Variants in JAG1 observed in about 807,000 individuals in gnomAD.
JAG1 encodes the protein jagged canonical Notch ligand 1, also known as protein jagged-1.
A neutral mutation model predicts 148.7 loss-of-function variants in JAG1; 23 were observed. The observed-to-expected ratio is 0.15, with a 90% CI of 0.11 to 0.22. JAG1 has a LOEUF of 0.22. JAG1 is among the 10% of genes least tolerant of loss of function. The probability of loss-of-function intolerance (pLI) is 1.00; values close to 1 mark genes in which losing one functional copy is unlikely to be tolerated. For synonymous variants in JAG1, 572 were observed against 598.3 expected, an observed-to-expected ratio of 0.96 and a Z score of 0.64; for missense variants, 1,054 against 1,611.2, an observed-to-expected ratio of 0.65 and a Z score of 5.92.
intron 6 of JAG1, 32 bp downstream of exon 6, chr20:10,652,436 C>T (rs1444447600): frequency 5.0e-6 from 8 of 1,602,966 alleles, no homozygotes; most frequent in Middle Eastern, 1.8e-4. Flanking sequence ...ACCCCCAGAT[C>T]CCACCCTGGG....
Position 10,639,946 on chromosome 20 carries a change from A to G in JAG1, c.3209T>C (p.Val1070Ala), listed in dbSNP as rs374654050. The part of the protein sequence containing the change: ...RPLKNRTDFL[V>A]PLLSSVLTVA... ...AGTTAAGACAGAGCTCAGCAAGGGA[A>G]CAAGGAAATCTGTAAGGCAGGCACA... The change falls in exon 26 of 26, where the codon GTT becomes GCT. Residue 1070 changes from valine to alanine, a missense_variant. Around this residue, in one of 6 missense-constraint regions of JAG1, gnomAD observed 342 missense variants for 514.6 expected, o/e 0.66. Coordinates refer to ENST00000254958, the MANE Select transcript of JAG1 (RefSeq NM_000214.3). 1.9e-6 allele frequency: 3 copies of G among 1,613,766 alleles called. No individual in the cohort carries two copies. The highest frequency in any genetic ancestry group is 1.3e-5 in the African/African-American group (1 of 74,934).
At chr20:10,669,471 T>C (rs1484014003) in intron 2 of JAG1, among the ~76,000 whole-genome samples, 1 of 139,950 alleles carries the variant, frequency 7.1e-6, no homozygotes, top group African/African-American at 2.7e-5. Flanking sequence ...TGGCAATTGG[T>C]CATTCAGGCC....
chr20:10,649,809 G>T, intron 9 of JAG1, 174 bp from the exon 10 acceptor site: 1 of 641,000 alleles, frequency 1.6e-6, no homozygotes, highest in Non-Finnish European at 2.8e-6. Flanking sequence ...CCTCTCCCTA[G>T]CTATTATCCA....
intron 9 of JAG1, 64 bp downstream of exon 9, chr20:10,650,183 G>A: frequency 9.8e-7 from 1 of 1,015,860 alleles, no homozygotes. Context: ...CTCGTCTTCT[G>A]TAATGGCTTT....
At position 10,673,166 on chromosome 20, in the gene JAG1, CAAAAA is replaced by C; in HGVS notation, c.82-165_82-161del. The C allele has an allele frequency of 1.5e-5, 9 of 590,652 alleles. No homozygotes were observed. Among genetic ancestry groups the C allele is most frequent in the East Asian group, 2.9e-5 (1 of 34,546 alleles). 36.6% of individuals were successfully genotyped at this position (590,652 alleles called of 1,614,324 possible). A position where few individuals can be genotyped will look rare whatever the true frequency, so the allele number is the denominator to read the frequency against. On this transcript the variant is annotated intron_variant, in intron 1 of 25. Coordinates refer to ENST00000254958, the MANE Select transcript of JAG1 (RefSeq NM_000214.3). The surrounding 1 kb of genome is among the most constrained non-coding windows in gnomAD (Gnocchi z 4.7). ...TCAAGGACTCAACATGATTCCGGGGCAAAAAAAAAAAAAAATGCACGAGTGCGGAA... is the reference window on the plus strand; with the variant it reads ...TCAAGGACTCAACATGATTCCGGGGCAAAAAAAAAATGCACGAGTGCGGAA...
intron 2 of JAG1, 80 bp from the exon 3 acceptor site, chr20:10,664,094 A>ATG: frequency 9.2e-7 from 1 of 1,089,028 alleles, no homozygotes; most frequent in Non-Finnish European, 1.4e-6. Context: ...GCCTCCCAGA[A>ATG]TACCCCACCA....
In JAG1 at chr20:10,650,322, C is replaced by T. The variant is rs750859508; in HGVS notation, c.1159G>A (p.Gly387Ser). ...DCSPNNCSHG[G>S]TCQDLVNGFK... Reference sequence around the variant, plus strand: ...CCGTTAACCAGGTCCTGGCAGGTGCCCCCGTGGGAACAGTTATTAGGAGAA... The same window carrying T: ...CCGTTAACCAGGTCCTGGCAGGTGCTCCCGTGGGAACAGTTATTAGGAGAA... The change falls in exon 9 of 26, where the codon GGC (glycine) becomes AGC (serine). Residue 387 changes from glycine (G) to serine (S), a missense_variant. By Grantham distance (56) the Gly-to-Ser change is moderately conservative (BLOSUM62 0). Transcript: ENST00000254958. 1.2e-6 allele frequency: 2 copies of T among 1,613,854 alleles called. No individual in the cohort carries two copies. The highest frequency in any genetic ancestry group is 1.7e-6 in the Non-Finnish European group (2 of 1,179,776).
intron 5 of JAG1, among the ~76,000 whole-genome samples, chr20:10,655,911 G>GC (rs950276109): frequency 6.6e-6 from 1 of 152,190 alleles, no homozygotes; most frequent in African/African-American, 2.4e-5. Context: ...TTCCAGGGCA[G>GC]CCATTAACCT....
intron 20 of JAG1, 141 bp downstream of exon 20, chr20:10,643,637 A>C: frequency 1.3e-6 from 1 of 742,426 alleles, no homozygotes; most frequent in Middle Eastern, 2.3e-4. Context: ...TCTTAATCCC[A>C]GCTGGAGGAG....
At chr20:10,663,860 C>A in intron 3 of JAG1, 103 bp downstream of exon 3, 1 of 888,230 alleles carries the variant, frequency 1.1e-6, no homozygotes. Flanking sequence ...CAAGAGGTGG[C>A]AGAAATGCTA....
rs768642155 is a variant in JAG1, at chr20:10,639,770, G to C, written c.3385C>G (p.His1129Asp). 2 of 1,614,104 alleles carry C rather than the reference G, an allele frequency of 1.2e-6. No individual in the cohort carries two copies. The highest frequency in any genetic ancestry group is 1.7e-6 in the Non-Finnish European group (2 of 1,179,960). The change falls in exon 26 of 26, where the codon CAT becomes GAT. Residue 1129 changes from histidine to aspartate, a missense_variant. Around this residue, in one of 6 missense-constraint regions of JAG1, gnomAD observed 177 missense variants for 177.3 expected, o/e 1.00. Transcript: ENST00000254958. The part of the protein sequence containing the change: ...LNQIKNPIEK[H>D]GANTVPIKDY... ...TTGATGGGGACCGTGTTGGCCCCAT[G>C]TTTCTCAATGGGGTTTTTGATCTGG...
At chr20:10,643,213 T>G (rs909583326) in intron 20 of JAG1, among the ~76,000 whole-genome samples, 7 of 152,202 alleles carry the variant, frequency 4.6e-5, no homozygotes, top group Non-Finnish European at 1.0e-4. Context: ...AATCAAACCA[T>G]AACTACTCTA....
rs564660045 is a variant in JAG1, at chr20:10,647,507, C to T, written c.1721-404G>A. On this transcript the variant is annotated intron_variant, in intron 13 of 25. Transcript: ENST00000254958. ...TTGTGCTGCCTAATACAGCAGCCAC[C>T]GGCCACATGTGGCTATTTACATTTA... 7.9e-5 allele frequency among the ~76,000 whole-genome samples: 12 copies of T among 152,328 alleles called. No individual in the cohort carries two copies. The South Asian group carries it at 2.5e-3, about 32-fold the overall frequency.
At chr20:10,650,452 C>A in intron 8 of JAG1, 92 bp from the exon 9 acceptor site, 1 of 758,234 alleles carries the variant, frequency 1.3e-6, no homozygotes. Flanking sequence ...GAGGGGCTGT[C>A]ATTGAAGAGC....
In JAG1 at chr20:10,645,056, A is replaced by G; in HGVS notation, c.2228-77T>C. 6.6e-7 allele frequency: 1 copy of G among 1,522,042 alleles called. No homozygotes were observed. Among genetic ancestry groups the G allele is most frequent in the Middle Eastern group, 1.7e-4 (1 of 5,906 alleles). 94.3% of individuals were successfully genotyped at this position (1,522,042 alleles called of 1,614,324 possible). ...CTGGAGGGGCAAGAACCAGGCCCAGAGAAATATCATAAGCTCCAGGGGCCA... is the reference window on the plus strand; with the variant it reads ...CTGGAGGGGCAAGAACCAGGCCCAGGGAAATATCATAAGCTCCAGGGGCCA... On this transcript the variant is annotated intron_variant, in intron 17 of 25. Transcript: ENST00000254958. The surrounding 1 kb of genome is among the most constrained non-coding windows in gnomAD (Gnocchi z 6.1).
chr20:10,665,624 G>T (rs1473941353), intron 2 of JAG1, among the ~76,000 whole-genome samples: 1 of 152,210 alleles, frequency 6.6e-6, no homozygotes, highest in Non-Finnish European at 1.5e-5. Flanking sequence ...AATGAGGCCA[G>T]ATGTGTGGCT....
Position 10,672,003 on chromosome 20 carries a change from G to A in JAG1, c.387+698C>T, listed in dbSNP as rs973426034. 1.2e-4 allele frequency among the ~76,000 whole-genome samples: 18 copies of A among 151,926 alleles called. No individual in the cohort carries two copies. The East Asian group carries it at 3.5e-3, about 30-fold the overall frequency. On this transcript the variant is annotated intron_variant, in intron 2 of 25. Transcript: ENST00000254958. Reference sequence around the variant, plus strand: ...GCAAACACAGCTGTTCCAGAGCCCGGGAACCGCTGGAAGTGAGGCCACAAG... The same window carrying A: ...GCAAACACAGCTGTTCCAGAGCCCGAGAACCGCTGGAAGTGAGGCCACAAG...
Position 10,672,816 on chromosome 20 carries a change from G to T in JAG1, c.272C>A (p.Pro91His). 1 of 1,613,190 alleles carries T rather than the reference G, an allele frequency of 6.2e-7. No individual in the cohort carries two copies. Among genetic ancestry groups the T allele is most frequent in the Non-Finnish European group, 8.5e-7 (1 of 1,180,024 alleles). Residue 91 changes from proline (P) to histidine (H), a missense_variant, in exon 2 of 26, where the codon CCC becomes CAC. Coordinates refer to ENST00000254958, the MANE Select transcript of JAG1 (RefSeq NM_000214.3). ...CGTGGACCCTGAGCCGAAGCTGCAG[G>T]GCCCCCCGGCCGTGACGCGGGACTG... The part of the protein sequence containing the change: ...EYQSRVTAGG[P>H]CSFGSGSTPV...
Position 10,639,263 on chromosome 20 carries a change from A to G in JAG1, c.*235T>C, listed in dbSNP as rs1461636650. ...CTGATCCGAGACCGTGTCGGCTGCA[A>G]GGGGACACACAACCAGGGTACTGTT... is the stretch of plus-strand genomic sequence containing the variant. On this transcript the variant is annotated 3_prime_UTR_variant, in exon 26 of 26. Transcript: ENST00000254958. The G allele has an allele frequency of 1.7e-5, 10 of 571,594 alleles. No individual in the cohort carries two copies. In the Admixed American group the frequency reaches 2.3e-4, roughly 13 times the overall value. 35.4% of individuals were successfully genotyped at this position (571,594 alleles called of 1,614,324 possible).
Sources: allele counts gnomAD v4.1 joint callset (sites outside exome capture counted in the v4.1 genomes callset), GRCh38; gene constraint gnomAD v4.1.1; regional missense constraint gnomAD v4.1.1; non-coding constraint Gnocchi (gnomAD v3.1); transcripts MANE v1.5; gene names NCBI Gene and HGNC (gene_info 2026-07-23, HGNC 2026-07-21).